The following PRH1 variants were observed in gnomAD, a reference collection of about 807,000 sequenced individuals.
The protein encoded by PRH1 is proline rich protein HaeIII subfamily 1.
In PRH1, 7 loss-of-function variants were observed where a neutral mutation model predicts 7.9. The observed-to-expected ratio is 0.89, with a 90% CI of 0.50 to 1.67. The LOEUF (loss-of-function observed/expected upper bound fraction) is 1.67. Among genes scored for constraint, PRH1 ranks in the 40% most tolerant of loss-of-function variants. The probability of loss-of-function intolerance (pLI) is 0.00; values close to 1 mark genes in which losing one functional copy is unlikely to be tolerated. For synonymous variants in PRH1, 45 were observed against 80.8 expected, an observed-to-expected ratio of 0.56 and a Z score of 2.38; for missense variants, 109 against 223.6, an observed-to-expected ratio of 0.49 and a Z score of 3.27.
At chr12:11,146,248 T>G (rs2136408967) in intron 1 of PRH1, among the ~76,000 whole-genome samples, 1 of 145,640 alleles carries the variant, frequency 6.9e-6, no homozygotes. Flanking sequence ...CTAGTATTCA[T>G]TCTGCTTTAT....
At chr12:11,109,261 T>C (rs900379845) in intron 1 of PRH1, among the ~76,000 whole-genome samples, 8 of 152,118 alleles carry the variant, frequency 5.3e-5, no homozygotes, top group African/African-American at 1.4e-4. Flanking sequence ...ACATAAACTT[T>C]CCTGCCTGAC....
chr12:11,011,247 T>C (rs371403297), intron 1 of PRH1, among the ~76,000 whole-genome samples: 14 of 152,238 alleles, frequency 9.2e-5, no homozygotes, highest in African/African-American at 2.9e-4. Flanking sequence ...TTAAATTCTA[T>C]GTGCACCTGA....
At chr12:10,916,615 T>C (rs1172326319) in intron 2 of PRH1, among the ~76,000 whole-genome samples, 1 of 144,930 alleles carries the variant, frequency 6.9e-6, no homozygotes, top group Non-Finnish European at 1.5e-5. Flanking sequence ...ACCAAGACAG[T>C]GAAAAATAGA....
intron 1 of PRH1, among the ~76,000 whole-genome samples, chr12:11,066,455 T>C (rs1330553079): frequency 3.3e-5 from 5 of 151,960 alleles, no homozygotes; most frequent in Non-Finnish European, 7.4e-5. Flanking sequence ...AAATAATTAT[T>C]TGCTTAAGCA....
intron 1 of PRH1, among the ~76,000 whole-genome samples, chr12:11,015,253 C>G (rs907328656): frequency 6.6e-6 from 1 of 152,260 alleles, no homozygotes; most frequent in African/African-American, 2.4e-5. Flanking sequence ...AACACAAGAC[C>G]CTAAGGGAAG....
intron 1 of PRH1, among the ~76,000 whole-genome samples, chr12:10,973,936 G>C (rs1938961105): frequency 6.6e-6 from 1 of 152,164 alleles, no homozygotes; most frequent in Non-Finnish European, 1.5e-5. Flanking sequence ...GAAATGCCAA[G>C]TGACAAGAGC....
chr12:10,899,605 C>T (rs1005133640), intron 2 of PRH1, among the ~76,000 whole-genome samples: 8 of 152,138 alleles, frequency 5.3e-5, no homozygotes, highest in Admixed American at 1.3e-4. Flanking sequence ...CACATGTGCC[C>T]GCTTCTGCTT....
intron 1 of PRH1, among the ~76,000 whole-genome samples, chr12:11,042,282 A>G (rs1043011062): frequency 6.6e-6 from 1 of 152,018 alleles, no homozygotes; most frequent in Non-Finnish European, 1.5e-5. Flanking sequence ...AAATGGAGAT[A>G]TTACAACTGA....
At chr12:11,051,379 T>C (rs1477894721), upstream of PRH1, among the ~76,000 whole-genome samples, 1 of 152,236 alleles carries the variant, frequency 6.6e-6, no homozygotes, top group Non-Finnish European at 1.5e-5. Flanking sequence ...CCCTTTGGTA[T>C]ATAATGAGCA....
intron 2 of PRH1, among the ~76,000 whole-genome samples, chr12:10,957,171 A>G (rs1462734153): frequency 2.0e-5 from 3 of 152,154 alleles, no homozygotes; most frequent in African/African-American, 7.2e-5. Flanking sequence ...ACCATACTAC[A>G]AGGATACAGA....
At chr12:11,148,608 G>C (rs1946949640) in intron 1 of PRH1, among the ~76,000 whole-genome samples, 1 of 138,636 alleles carries the variant, frequency 7.2e-6, no homozygotes, top group East Asian at 2.0e-4. Context: ...TGCATATATT[G>C]AACCAGCCTT....
chr12:11,054,004 A>C (rs537218386), intron 1 of PRH1, among the ~76,000 whole-genome samples: 1 of 152,124 alleles, frequency 6.6e-6, no homozygotes, highest in Admixed American at 6.5e-5. Flanking sequence ...TATTTTTAGT[A>C]GACAGTGGGT....
In PRH1 at chr12:11,079,220, G is replaced by C. The variant is rs1314450409; in HGVS notation, n.124-32032C>G. On this transcript the variant is annotated intron_variant and non_coding_transcript_variant, in intron 1 of 4. Coordinates refer to the PRH1 transcript ENST00000541977. ...GCAGCACCCTCCCACCACAGGCAGG[G>C]TGACTACCTTGACCATTGACTCTGA... The C allele has an allele frequency of 1.7e-5, 2 of 117,520 alleles. 1 individual carries two copies. The highest frequency in any genetic ancestry group is 4.0e-5 in the Non-Finnish European group (2 of 49,522). 7.3% of individuals were successfully genotyped at this position (117,520 alleles called of 1,614,324 possible).
intron 1 of PRH1, chr12:11,171,074 T>C: frequency 2.7e-6 from 1 of 364,434 alleles, no homozygotes; most frequent in East Asian, 4.0e-5. Context: ...TCTGCATGGA[T>C]GTTCGTACAT....
intron 1 of PRH1, among the ~76,000 whole-genome samples, chr12:11,001,007 G>GA (rs1940563013): frequency 6.6e-6 from 1 of 151,646 alleles, no homozygotes; most frequent in South Asian, 2.1e-4. Context: ...GGTTGGCTTT[G>GA]TTTTTTTGTT....
intron 1 of PRH1, among the ~76,000 whole-genome samples, chr12:11,113,409 A>C (rs865773924): frequency 2.0e-5 from 3 of 152,152 alleles, no homozygotes; most frequent in African/African-American, 7.2e-5. Flanking sequence ...AAATAATGCC[A>C]CACATCTACA....
intron 1 of PRH1, among the ~76,000 whole-genome samples, chr12:11,009,586 C>T (rs1031145468): frequency 1.3e-5 from 2 of 151,910 alleles, no homozygotes; most frequent in African/African-American, 4.8e-5. Context: ...GTTGTTAGTA[C>T]TCTAGCCATG....
intron 1 of PRH1, among the ~76,000 whole-genome samples, chr12:11,156,080 G>A (rs1275317721): frequency 6.6e-6 from 1 of 151,780 alleles, no homozygotes; most frequent in Non-Finnish European, 1.5e-5. Context: ...ATTCCTTCTT[G>A]CATCTTCAAC....
chr12:10,928,036 C>T (rs1219748983), intron 2 of PRH1, among the ~76,000 whole-genome samples: 1 of 151,694 alleles, frequency 6.6e-6, no homozygotes, highest in African/African-American at 2.4e-5. Flanking sequence ...TACCATACAC[C>T]ATTGCTTAGA....
Sources: allele counts gnomAD v4.1 joint callset (sites outside exome capture counted in the v4.1 genomes callset), GRCh38; gene constraint gnomAD v4.1.1; transcripts MANE v1.5; gene names NCBI Gene and HGNC (gene_info 2026-07-23, HGNC 2026-07-21).